Variants in IER3 observed in about 807,000 individuals in gnomAD.
IER3 encodes the protein immediate early response 3.
A neutral mutation model predicts 5.4 loss-of-function variants in IER3; 5 were observed. The ratio of observed to expected loss-of-function variants is 0.92; its 90% CI spans 0.48 to 1.94. The LOEUF (loss-of-function observed/expected upper bound fraction) is 1.94, where lower values mean the gene tolerates loss of function less well. Among genes scored for constraint, IER3 ranks in the 30% most tolerant of loss-of-function variants. The pLI is 0.01. For missense variants in IER3, 158 were observed against 218.2 expected, an observed-to-expected ratio of 0.72 and a Z score of 1.74; for synonymous variants, 81 against 97.8, an observed-to-expected ratio of 0.83 and a Z score of 1.01.
rs371825850 is a variant in IER3, at chr6:30,743,975, G to A, written c.432C>T (p.Asp144=). 6 of 1,613,798 alleles carry A rather than the reference G, an allele frequency of 3.7e-6. No homozygotes were observed. The highest frequency in any genetic ancestry group is 5.1e-6 in the Non-Finnish European group (6 of 1,179,988). ...GGTGTTGCTGGAGGAAAGTGCTGAG[G>A]TCCAGAGCGTAGTCCGAGGGCTCCG... is the stretch of plus-strand genomic sequence containing the variant. ...LTSEPSDYAL[D]LSTFLQQHPA... The change falls in exon 2 of 2, where the codon GAC becomes GAT. Residue 144 remains aspartate, a synonymous_variant. Coordinates refer to ENST00000259874, the MANE Select transcript of IER3 (RefSeq NM_003897.4). The surrounding 1 kb of genome is among the most constrained non-coding windows in gnomAD (Gnocchi z 6.5).
In IER3 at chr6:30,744,017, C is replaced by T. The variant is rs1424525609; in HGVS notation, c.390G>A (p.Glu130=). ...LAPTPVSAVL[E]PFNLTSEPSD... Reference sequence around the variant, plus strand: ...AGGGCTCCGAAGTCAGATTAAAGGGCTCGAGGACGGCGGACACAGGGGTGG... The same window carrying T: ...AGGGCTCCGAAGTCAGATTAAAGGGTTCGAGGACGGCGGACACAGGGGTGG... The change falls in exon 2 of 2, where the codon GAG becomes GAA. Residue 130 remains glutamate (E), a synonymous_variant. Transcript: ENST00000259874. This position sits in a 1 kb window ranked among gnomAD's most constrained non-coding sequence, Gnocchi z 6.0. The T allele has an allele frequency of 6.2e-7, 1 of 1,613,890 alleles. No individual in the cohort carries two copies. The highest frequency in any genetic ancestry group is 1.7e-5 in the Admixed American group (1 of 59,894).
rs972639844 is a variant in IER3, at chr6:30,744,453, G to A, written c.66C>T (p.Ser22=). 2 of 1,533,670 alleles carry A rather than the reference G, an allele frequency of 1.3e-6. No individual in the cohort carries two copies. Among genetic ancestry groups the A allele is most frequent in the Non-Finnish European group, 1.7e-6 (2 of 1,146,610 alleles). ...TILQAPTPAP[S]TIPGPRRGSG... Reference sequence around the variant, plus strand: ...AGCCCCGCCGGGGTCCCGGGATGGTGGAGGGGGCCGGGGTCGGGGCCTGCA... The same window carrying A: ...AGCCCCGCCGGGGTCCCGGGATGGTAGAGGGGGCCGGGGTCGGGGCCTGCA... The change falls in exon 1 of 2, where the codon TCC becomes TCT. Residue 22 remains serine, a synonymous_variant. Coordinates refer to ENST00000259874, the MANE Select transcript of IER3 (RefSeq NM_003897.4). This position sits in a 1 kb window ranked among gnomAD's most constrained non-coding sequence, Gnocchi z 6.0.
rs1220834686 is a variant in IER3 at position 30,744,054 on chromosome 6, G to T, written c.353C>A (p.Ala118Glu). 6.2e-7 allele frequency: 1 copy of T among 1,613,858 alleles called. No individual in the cohort carries two copies. Among genetic ancestry groups the T allele is most frequent in the Non-Finnish European group, 8.5e-7 (1 of 1,179,952 alleles). ...PLPPEDAPNA[A>E]SLAPTPVSAV... ...GGACACAGGGGTGGGCGCCAGGGAT[G>T]CGGCGTTAGGGGCGTCCTCTGGAGG... is the stretch of plus-strand genomic sequence containing the variant. The change falls in exon 2 of 2, where the codon GCA becomes GAA. Residue 118 changes from alanine to glutamate, a missense_variant. Ala to Glu is a moderately radical substitution (Grantham distance 107). Transcript: ENST00000259874. This position sits in a 1 kb window ranked among gnomAD's most constrained non-coding sequence, Gnocchi z 6.0.
Position 30,743,859 on chromosome 6 carries a change from C to A in IER3, c.*77G>T, listed in dbSNP as rs1778201429. On this transcript the variant is annotated 3_prime_UTR_variant, in exon 2 of 2. Coordinates refer to ENST00000259874, the MANE Select transcript of IER3 (RefSeq NM_003897.4). The surrounding 1 kb of genome is among the most constrained non-coding windows in gnomAD (Gnocchi z 6.5). Reference sequence around the variant, plus strand: ...GCCTCGGAAGTCCCAGTTGGGGATACGCTCTCGCGCACCAGGTACGCCTGG... The same window carrying A: ...GCCTCGGAAGTCCCAGTTGGGGATAAGCTCTCGCGCACCAGGTACGCCTGG... The A allele has an allele frequency of 6.4e-7, 1 of 1,566,472 alleles. No individual in the cohort carries two copies. The highest frequency in any genetic ancestry group is 8.6e-7 in the Non-Finnish European group (1 of 1,161,172).
rs1204791184 is a variant in IER3, at chr6:30,744,465, G to T, written c.54C>A (p.Thr18=). ...HPTMTILQAP[T]PAPSTIPGPR... ...GTCCCGGGATGGTGGAGGGGGCCGG[G>T]GTCGGGGCCTGCAGGATGGTCATGG... Residue 18 remains threonine (T), a synonymous_variant, in exon 1 of 2, where the codon ACC becomes ACA. Transcript: ENST00000259874. The surrounding 1 kb of genome is among the most constrained non-coding windows in gnomAD (Gnocchi z 6.0). 2.0e-6 allele frequency: 3 copies of T among 1,527,296 alleles called. No homozygotes were observed. The highest frequency in any genetic ancestry group is 1.4e-5 in the African/African-American group (1 of 71,370). The allele number at this position is 1,527,296 out of a possible 1,614,324, so 94.6% of individuals were successfully genotyped here. A position where few individuals can be genotyped will look rare whatever the true frequency, so the allele number is the denominator to read the frequency against.
At position 30,743,863 on chromosome 6, in the gene IER3, C is replaced by T; in HGVS notation, c.*73G>A. 6.4e-7 allele frequency: 1 copy of T among 1,571,752 alleles called. No individual in the cohort carries two copies. The highest frequency in any genetic ancestry group is 1.7e-4 in the Middle Eastern group (1 of 5,858). ...CGGAAGTCCCAGTTGGGGATACGCTCTCGCGCACCAGGTACGCCTGGTGTT... is the reference window on the plus strand; with the variant it reads ...CGGAAGTCCCAGTTGGGGATACGCTTTCGCGCACCAGGTACGCCTGGTGTT... On this transcript the variant is annotated 3_prime_UTR_variant, in exon 2 of 2. Transcript: ENST00000259874. The surrounding 1 kb of genome is among the most constrained non-coding windows in gnomAD (Gnocchi z 6.5).
rs2127787690 is a variant in IER3 at position 30,743,669 on chromosome 6, T to C, written c.*267A>G. 1 of 547,614 alleles carries C rather than the reference T, an allele frequency of 1.8e-6. No homozygotes were observed. 33.9% of individuals were successfully genotyped at this position (547,614 alleles called of 1,614,324 possible). A position where few individuals can be genotyped will look rare whatever the true frequency, so the allele number is the denominator to read the frequency against. On this transcript the variant is annotated 3_prime_UTR_variant, in exon 2 of 2. Transcript: ENST00000259874. The surrounding 1 kb of genome is among the most constrained non-coding windows in gnomAD (Gnocchi z 6.5). ...GAGGACGTACATAAATACATATAAA[T>C]ATTAATTAGGAGCAATAAGAAATAA... is the stretch of plus-strand genomic sequence containing the variant.
In IER3 at chr6:30,743,839, G is replaced by A; in HGVS notation, c.*97C>T. 1 of 1,520,030 alleles carries A rather than the reference G, an allele frequency of 6.6e-7. No homozygotes were observed. The allele number at this position is 1,520,030 out of a possible 1,614,324, so 94.2% of individuals were successfully genotyped here. On this transcript the variant is annotated 3_prime_UTR_variant, in exon 2 of 2. Transcript: ENST00000259874. This position sits in a 1 kb window ranked among gnomAD's most constrained non-coding sequence, Gnocchi z 6.5. The stretch of plus-strand genomic sequence containing the variant: ...TAGTGTTCTGAGTTCAAGTTGCCTC[G>A]GAAGTCCCAGTTGGGGATACGCTCT...
Position 30,743,969 on chromosome 6 carries a change from G to C in IER3, c.438C>G (p.Ser146Arg), listed in dbSNP as rs1258258490. ...CGGCCGGGTGTTGCTGGAGGAAAGT[G>C]CTGAGGTCCAGAGCGTAGTCCGAGG... is the stretch of plus-strand genomic sequence containing the variant. ...SEPSDYALDL[S>R]TFLQQHPAAF The change falls in exon 2 of 2, where the codon AGC becomes AGG. Residue 146 changes from serine to arginine, a missense_variant. By Grantham distance (110) the Ser-to-Arg change is moderately radical (BLOSUM62 -1). Coordinates refer to ENST00000259874, the MANE Select transcript of IER3 (RefSeq NM_003897.4). This position sits in a 1 kb window ranked among gnomAD's most constrained non-coding sequence, Gnocchi z 6.5. The C allele has an allele frequency of 2.5e-6, 4 of 1,613,656 alleles. No homozygotes were observed. The highest frequency in any genetic ancestry group is 8.5e-7 in the Non-Finnish European group (1 of 1,179,908).
In IER3 at chr6:30,744,521, T is replaced by C. The variant is rs9468821; in HGVS notation, c.-3A>G. On this transcript the variant is annotated 5_prime_UTR_variant, in exon 1 of 2. Coordinates refer to ENST00000259874, the MANE Select transcript of IER3 (RefSeq NM_003897.4). This position sits in a 1 kb window ranked among gnomAD's most constrained non-coding sequence, Gnocchi z 6.0. ...TGGCAGCTGCGAGAGTGACACATGGTGAGCCGAGCGGAGTGTAAGGCCAAG... is the reference window on the plus strand; with the variant it reads ...TGGCAGCTGCGAGAGTGACACATGGCGAGCCGAGCGGAGTGTAAGGCCAAG... 14,469 of 1,483,626 alleles carry C rather than the reference T, an allele frequency of 9.8e-3. 192 individuals carry two copies. Among genetic ancestry groups the C allele is most frequent in the African/African-American group, 0.052 (3,640 of 70,148 alleles). 91.9% of individuals were successfully genotyped at this position (1,483,626 alleles called of 1,614,324 possible).
chr6:30,744,068 G>A lies in IER3; in HGVS notation c.339C>T (p.Asp113=). ...EGVPAPLPPE[D]APNAASLAPT... Reference sequence around the variant, plus strand: ...GCGCCAGGGATGCGGCGTTAGGGGCGTCCTCTGGAGGCAGGGGCGCCGGCA... The same window carrying A: ...GCGCCAGGGATGCGGCGTTAGGGGCATCCTCTGGAGGCAGGGGCGCCGGCA... The change falls in exon 2 of 2, where the codon GAC becomes GAT. Residue 113 remains aspartate, a synonymous_variant. Transcript: ENST00000259874. The surrounding 1 kb of genome is among the most constrained non-coding windows in gnomAD (Gnocchi z 6.0). The A allele has an allele frequency of 1.2e-6, 2 of 1,614,064 alleles. No homozygotes were observed. The highest frequency in any genetic ancestry group is 2.2e-5 in the East Asian group (1 of 44,888).
Position 30,744,390 on chromosome 6 carries a change from C to T in IER3, c.129G>A (p.Glu43=), listed in dbSNP as rs1231584252. 6.3e-7 allele frequency: 1 copy of T among 1,592,830 alleles called. No homozygotes were observed. The highest frequency in any genetic ancestry group is 1.3e-5 in the African/African-American group (1 of 74,096). The change falls in exon 1 of 2, where the codon GAG becomes GAA. Residue 43 remains glutamate (E), a synonymous_variant. Coordinates refer to ENST00000259874, the MANE Select transcript of IER3 (RefSeq NM_003897.4). This position sits in a 1 kb window ranked among gnomAD's most constrained non-coding sequence, Gnocchi z 6.0. ...PEIFTFDPLP[E]PAAAPAGRPS... is the part of the protein sequence containing the mutation. ...GGCGCCCGGCAGGGGCCGCTGCGGG[C>T]TCCGGGAGAGGGTCGAAGGTGAAGA...
In IER3 at chr6:30,744,537, T is replaced by G; in HGVS notation, c.-19A>C. ...GACACATGGTGAGCCGAGCGGAGTG[T>G]AAGGCCAAGTGAGGGTCGGCTGCCG... On this transcript the variant is annotated 5_prime_UTR_variant, in exon 1 of 2. Transcript: ENST00000259874. This position sits in a 1 kb window ranked among gnomAD's most constrained non-coding sequence, Gnocchi z 6.0. The G allele has an allele frequency of 6.8e-7, 1 of 1,459,866 alleles. No homozygotes were observed. Among genetic ancestry groups the G allele is most frequent in the South Asian group, 1.5e-5 (1 of 67,982 alleles). The allele number at this position is 1,459,866 out of a possible 1,614,324, so 90.4% of individuals were successfully genotyped here. A position where few individuals can be genotyped will look rare whatever the true frequency, so the allele number is the denominator to read the frequency against.
chr6:30,743,737 G>C lies in IER3; in HGVS notation c.*199C>G. The C allele has an allele frequency of 1.5e-6, 1 of 650,786 alleles. No individual in the cohort carries two copies. The highest frequency in any genetic ancestry group is 2.5e-6 in the Non-Finnish European group (1 of 396,974). The allele number at this position is 650,786 out of a possible 1,614,324, so 40.3% of individuals were successfully genotyped here. On this transcript the variant is annotated 3_prime_UTR_variant, in exon 2 of 2. Transcript: ENST00000259874. This position sits in a 1 kb window ranked among gnomAD's most constrained non-coding sequence, Gnocchi z 6.5. ...TCCCACCGGGCCTAGCCCCAGCTGG[G>C]CTGTGCCTCGGTCTCTATGCGCCTC... is the stretch of plus-strand genomic sequence containing the variant.
At position 30,744,170 on chromosome 6, in the gene IER3, T is replaced by C. The variant is rs1778230205; in HGVS notation, c.237A>G (p.Glu79=). The change falls in exon 2 of 2, where the codon GAA becomes GAG. Residue 79 remains glutamate, a synonymous_variant. Transcript: ENST00000259874. This position sits in a 1 kb window ranked among gnomAD's most constrained non-coding sequence, Gnocchi z 6.0. ...AGAGAAGCCTTTTGGCTGGGTTCGG[T>C]TCCTCGACTGGCAGCTGGCGCCGGA... The part of the protein sequence containing the change: ...RVVRRQLPVE[E]PNPAKRLLFL... 1.2e-6 allele frequency: 2 copies of C among 1,613,542 alleles called. No homozygotes were observed. Among genetic ancestry groups the C allele is most frequent in the Non-Finnish European group, 1.7e-6 (2 of 1,179,980 alleles).
rs1562202998 is a variant in IER3 at position 30,743,987 on chromosome 6, G to A, written c.420C>T (p.Asp140=). The A allele has an allele frequency of 6.2e-7, 1 of 1,613,850 alleles. No individual in the cohort carries two copies. The highest frequency in any genetic ancestry group is 1.7e-5 in the Admixed American group (1 of 59,888). The change falls in exon 2 of 2, where the codon GAC becomes GAT. Residue 140 remains aspartate (D), a synonymous_variant. Transcript: ENST00000259874. The surrounding 1 kb of genome is among the most constrained non-coding windows in gnomAD (Gnocchi z 6.5). The part of the protein sequence containing the change: ...EPFNLTSEPS[D]YALDLSTFLQ... ...GGAAAGTGCTGAGGTCCAGAGCGTAGTCCGAGGGCTCCGAAGTCAGATTAA... is the reference window on the plus strand; with the variant it reads ...GGAAAGTGCTGAGGTCCAGAGCGTAATCCGAGGGCTCCGAAGTCAGATTAA...
In IER3 at chr6:30,743,832, T is replaced by A; in HGVS notation, c.*104A>T. On this transcript the variant is annotated 3_prime_UTR_variant, in exon 2 of 2. Transcript: ENST00000259874. The surrounding 1 kb of genome is among the most constrained non-coding windows in gnomAD (Gnocchi z 6.5). Reference sequence around the variant, plus strand: ...TCCGCTGTAGTGTTCTGAGTTCAAGTTGCCTCGGAAGTCCCAGTTGGGGAT... The same window carrying A: ...TCCGCTGTAGTGTTCTGAGTTCAAGATGCCTCGGAAGTCCCAGTTGGGGAT... 8 of 1,490,034 alleles carry A rather than the reference T, an allele frequency of 5.4e-6. No individual in the cohort carries two copies. Among genetic ancestry groups the A allele is most frequent in the Non-Finnish European group, 7.3e-6 (8 of 1,101,564 alleles). 92.3% of individuals were successfully genotyped at this position (1,490,034 alleles called of 1,614,324 possible).
rs145938765 is a variant in IER3 at position 30,744,208 on chromosome 6, C to T, written c.211-12G>A. ...AGCTGGCGCCGGACCTAAGGGGAGA[C>T]AAAACAGGAGACAGGTCAGGTCGAG... On this transcript the variant is annotated splice_polypyrimidine_tract_variant and intron_variant, in intron 1 of 1. Coordinates refer to ENST00000259874, the MANE Select transcript of IER3 (RefSeq NM_003897.4). This position sits in a 1 kb window ranked among gnomAD's most constrained non-coding sequence, Gnocchi z 6.0. 1,491 of 1,613,324 alleles carry T rather than the reference C, an allele frequency of 9.2e-4. 13 individuals are homozygous for T. The African/African-American group carries it at 0.015, about 16-fold the overall frequency.
At position 30,744,359 on chromosome 6, in the gene IER3, C is replaced by A. The variant is rs761311868; in HGVS notation, c.160G>T (p.Ala54Ser). 3 of 1,609,532 alleles carry A rather than the reference C, an allele frequency of 1.9e-6. No homozygotes were observed. The African/African-American group carries it at 4.0e-5, about 22-fold the overall frequency. The change falls in exon 1 of 2, where the codon GCC becomes TCC. Residue 54 changes from alanine to serine, a missense_variant. Ala to Ser is a moderately conservative substitution (Grantham distance 99). Transcript: ENST00000259874. This position sits in a 1 kb window ranked among gnomAD's most constrained non-coding sequence, Gnocchi z 6.0. The stretch of plus-strand genomic sequence containing the variant: ...CTGCGCTTTCGGTGCCCGCGAGAGG[C>A]GCTGGGGCGCCCGGCAGGGGCCGCT... ...PAAAPAGRPS[A>S]SRGHRKRSRR...
Sources: gnomAD v4.1 joint callset for allele counts on GRCh38, gnomAD v4.1.1 for gene constraint, Gnocchi (gnomAD v3.1) non-coding constraint, MANE v1.5 for transcripts, NCBI Gene and HGNC (gene_info 2026-07-23, HGNC 2026-07-21) for gene names.